Variants in EBPL observed in about 807,000 individuals in gnomAD.
The protein encoded by EBPL is emopamil-binding protein-like.
In EBPL, 20 loss-of-function variants were observed where a neutral mutation model predicts 19.0. The observed-to-expected ratio is 1.05, with a 90% confidence interval of 0.74 to 1.53. The LOEUF (loss-of-function observed/expected upper bound fraction) is 1.53, where lower values mean the gene tolerates loss of function less well. EBPL is among the 40% of genes most tolerant of loss of function. The probability of loss-of-function intolerance (pLI) is 0.00; values close to 1 mark genes in which losing one functional copy is unlikely to be tolerated. For missense variants in EBPL, 219 were observed against 261.1 expected, an observed-to-expected ratio of 0.84 and a Z score of 1.11; for synonymous variants, 107 against 117.0, an observed-to-expected ratio of 0.91 and a Z score of 0.55.
intron 2 of EBPL, among the ~76,000 whole-genome samples, chr13:49,664,837 T>G (rs563478649): frequency 2.1e-4 from 32 of 152,046 alleles, no homozygotes; most frequent in Non-Finnish European, 4.6e-4. Flanking sequence ...ATAAGAGGAT[T>G]AGCTATTTAA....
Position 49,681,157 on chromosome 13 carries a change from T to C in EBPL, c.171+10097A>G, listed in dbSNP as rs1953938922. Among the ~76,000 whole-genome samples the C allele has an allele frequency of 2.0e-5, 3 of 152,388 alleles. No individual in the cohort carries two copies. The South Asian group carries it at 6.2e-4, about 32-fold the overall frequency. On this transcript the variant is annotated intron_variant, in intron 1 of 3. Coordinates refer to ENST00000242827, the MANE Select transcript of EBPL (RefSeq NM_032565.5). ...GGTTTAAAAAATACAGTAAAGTTCC[T>C]ACTGGACATATGTTATAAAATATAA...
intron 1 of EBPL, chr13:49,686,500 A>G: frequency 7.8e-7 from 1 of 1,286,928 alleles, no homozygotes; most frequent in Non-Finnish European, 1.0e-6. Flanking sequence ...TTTTTTTTTA[A>G]TGGTGCTACA....
intron 1 of EBPL, among the ~76,000 whole-genome samples, chr13:49,673,962 TACACACACAC>T (rs56323070): frequency 7.3e-4 from 104 of 143,376 alleles, no homozygotes; most frequent in African/African-American, 2.3e-3. Context: ...TGGAACTTAA[TACACACACAC>T]ACACACACAC....
At chr13:49,664,866 A>T (rs1965202163) in intron 2 of EBPL, among the ~76,000 whole-genome samples, 1 of 152,108 alleles carries the variant, frequency 6.6e-6, no homozygotes, top group Non-Finnish European at 1.5e-5. Flanking sequence ...CACACAAGGC[A>T]CATGCTGAGG....
Position 49,660,931 on chromosome 13 carries a change from C to T in EBPL, c.*37G>A. 2 of 1,534,546 alleles carry T rather than the reference C, an allele frequency of 1.3e-6. No homozygotes were observed. The highest frequency in any genetic ancestry group is 1.8e-6 in the Non-Finnish European group (2 of 1,118,848). On this transcript the variant is annotated 3_prime_UTR_variant, in exon 4 of 4. Transcript: ENST00000242827. Reference sequence around the variant, plus strand: ...CAAAAAGATTTGATTCATTCTGGTTCATGAAGTTAGATAATGGTGTTTATG... The same window carrying T: ...CAAAAAGATTTGATTCATTCTGGTTTATGAAGTTAGATAATGGTGTTTATG...
chr13:49,680,607 A>G (rs1021420368), intron 1 of EBPL, among the ~76,000 whole-genome samples: 1 of 152,220 alleles, frequency 6.6e-6, no homozygotes, highest in Non-Finnish European at 1.5e-5. Context: ...ACAGATCACA[A>G]TGTCAGGAGA....
At chr13:49,685,160 T>G (rs1953983530) in intron 1 of EBPL, among the ~76,000 whole-genome samples, 1 of 152,172 alleles carries the variant, frequency 6.6e-6, no homozygotes, top group Admixed American at 6.5e-5. Context: ...AAAAGAATAG[T>G]GGGGAGAAGT....
At chr13:49,671,836 C>T (rs1953819834) in intron 1 of EBPL, among the ~76,000 whole-genome samples, 1 of 152,214 alleles carries the variant, frequency 6.6e-6, no homozygotes, top group Admixed American at 6.5e-5. Context: ...AGGTTGCAGA[C>T]CTTTCCACAG....
intron 2 of EBPL, among the ~76,000 whole-genome samples, chr13:49,666,753 G>A (rs1965235379): frequency 1.3e-5 from 2 of 151,018 alleles, no homozygotes; most frequent in Admixed American, 1.3e-4. Flanking sequence ...AGCTGGGCGT[G>A]GTGGCGCACA....
chr13:49,668,980 C>T lies in EBPL; in HGVS notation c.241+797G>A, dbSNP rs1270242196. Reference sequence around the variant, plus strand: ...CTGCAAGCTCCACCTCCTGGGTTCACGCCATTCTCTTGCCTCAGCCTCCCA... The same window carrying T: ...CTGCAAGCTCCACCTCCTGGGTTCATGCCATTCTCTTGCCTCAGCCTCCCA... On this transcript the variant is annotated intron_variant, in intron 2 of 3. Transcript: ENST00000242827. 2.0e-5 allele frequency among the ~76,000 whole-genome samples: 3 copies of T among 150,902 alleles called. No homozygotes were observed. The South Asian group carries it at 6.3e-4, about 32-fold the overall frequency.
chr13:49,679,569 G>A (rs549569736), intron 1 of EBPL, among the ~76,000 whole-genome samples: 8 of 152,208 alleles, frequency 5.3e-5, no homozygotes, highest in Non-Finnish European at 7.4e-5. Flanking sequence ...GTGTTATCAC[G>A]GCTCACTGCA....
intron 2 of EBPL, among the ~76,000 whole-genome samples, chr13:49,664,014 G>A (rs1287816233): frequency 6.6e-6 from 1 of 152,216 alleles, no homozygotes; most frequent in East Asian, 1.9e-4. Context: ...CACTTTGGGA[G>A]GCCAAGGTGG....
chr13:49,675,344 C>T (rs775209882), intron 1 of EBPL, among the ~76,000 whole-genome samples: 18 of 152,198 alleles, frequency 1.2e-4, no homozygotes, highest in Admixed American at 3.3e-4. Flanking sequence ...TATGATGTCT[C>T]TAGACAATAG....
At chr13:49,662,164 A>T (rs373505116) in intron 3 of EBPL, among the ~76,000 whole-genome samples, 154 of 152,052 alleles carry the variant, frequency 1.0e-3, no homozygotes, top group African/African-American at 3.7e-3. Context: ...TGGCTAGCTA[A>T]TTTTTGTATT....
chr13:49,676,548 T>C (rs1319000134), intron 1 of EBPL, among the ~76,000 whole-genome samples: 1 of 151,942 alleles, frequency 6.6e-6, no homozygotes, highest in Non-Finnish European at 1.5e-5. Flanking sequence ...GCCCAGATCA[T>C]ACCACTGCAC....
At chr13:49,682,903 T>G (rs535212752) in intron 1 of EBPL, among the ~76,000 whole-genome samples, 2 of 152,244 alleles carry the variant, frequency 1.3e-5, no homozygotes, top group Admixed American at 1.3e-4. Flanking sequence ...CGCCCCAGGC[T>G]CCTTGGATGA....
Position 49,691,259 on chromosome 13 carries a change from C to A in EBPL, c.166G>T (p.Ala56Ser). 7.2e-7 allele frequency: 1 copy of A among 1,388,190 alleles called. No homozygotes were observed. 86.0% of individuals were successfully genotyped at this position (1,388,190 alleles called of 1,614,324 possible). A position where few individuals can be genotyped will look rare whatever the true frequency, so the allele number is the denominator to read the frequency against. ...GTCTAGGCGATGGCACTTACCAGCG[C>A]GAAGTGCACCAGCGCGTCGTAGCAG... ...WLCYDALVHF[A>S]LEGPFVYLSL... Residue 56 changes from alanine to serine, a missense_variant, in exon 1 of 4, where the codon GCG becomes TCG. Coordinates refer to ENST00000242827, the MANE Select transcript of EBPL (RefSeq NM_032565.5).
intron 2 of EBPL, chr13:49,668,399 C>A (rs143959106): frequency 0.016 from 3,926 of 238,330 alleles, 84 homozygotes; most frequent in East Asian, 0.074. Context: ...TGGTGAAACC[C>A]CGTCTCTACT....
At chr13:49,664,858 C>T (rs762619240) in intron 2 of EBPL, among the ~76,000 whole-genome samples, 3 of 152,064 alleles carry the variant, frequency 2.0e-5, no homozygotes, top group Non-Finnish European at 4.4e-5. Flanking sequence ...TGGGATAACA[C>T]ACAAGGCACA....
Sources: allele counts gnomAD v4.1 joint callset (sites outside exome capture counted in the v4.1 genomes callset), GRCh38; gene constraint gnomAD v4.1.1; transcripts MANE v1.5; gene names NCBI Gene and HGNC (gene_info 2026-07-23, HGNC 2026-07-21).